Variants in GINS3 observed in about 807,000 individuals in gnomAD.
GINS3 encodes the protein DNA replication complex GINS protein PSF3.
A neutral mutation model predicts 20.0 loss-of-function variants in GINS3; 18 were observed. That is an observed-to-expected ratio of 0.90 (90% confidence interval 0.62 to 1.33). The LOEUF is 1.33. Ranked by LOEUF, GINS3 falls within the 40% of genes most tolerant of loss-of-function variation. The pLI is 0.00. For synonymous variants in GINS3, 109 were observed against 107.0 expected, an observed-to-expected ratio of 1.02 and a Z score of -0.12; for missense variants, 254 against 273.6, an observed-to-expected ratio of 0.93 and a Z score of 0.51.
intron 1 of GINS3, among the ~76,000 whole-genome samples, chr16:58,396,270 C>G (rs1965855780): frequency 7.9e-6 from 1 of 126,334 alleles, no homozygotes; most frequent in African/African-American, 3.2e-5. Context: ...GGGGCTGACT[C>G]CCCCACCTCC....
chr16:58,404,332 G>A, intron 2 of GINS3, 167 bp from the exon 3 acceptor site: 1 of 608,922 alleles, frequency 1.6e-6, no homozygotes, highest in South Asian at 2.0e-5. Flanking sequence ...TTGAGGCATG[G>A]CAATGTGCAA....
At chr16:58,396,394 A>T (rs1596956065) in intron 1 of GINS3, among the ~76,000 whole-genome samples, 1 of 97,954 alleles carries the variant, frequency 1.0e-5, no homozygotes, top group African/African-American at 4.4e-5. Context: ...CAGGGGGCTG[A>T]CCCCCCCACC....
At chr16:58,396,511 C>CA (rs1555519436) in intron 1 of GINS3, among the ~76,000 whole-genome samples, 491 of 26,408 alleles carry the variant, frequency 0.019, 91 homozygotes, top group Non-Finnish European at 0.025. Flanking sequence ...GCTGGCCGGG[C>CA]GGGGGCTGAC....
intron 1 of GINS3, chr16:58,393,436 A>T (rs938120855): frequency 6.6e-6 from 1 of 152,234 alleles, no homozygotes; most frequent in Non-Finnish European, 1.5e-5. Flanking sequence ...CATGGCTTGT[A>T]ATGATTAATT....
chr16:58,404,102 T>G (rs1596962947), intron 2 of GINS3: 2 of 190,166 alleles, frequency 1.1e-5, no homozygotes, highest in East Asian at 2.8e-4. Context: ...ATAACCTTAT[T>G]TTAATTTTTC....
At chr16:58,394,001 C>T (rs1427329672) in intron 1 of GINS3, among the ~76,000 whole-genome samples, 1 of 151,934 alleles carries the variant, frequency 6.6e-6, no homozygotes, top group Non-Finnish European at 1.5e-5. Flanking sequence ...CTTAAACTTA[C>T]CTTGTTGGGT....
At chr16:58,395,965 C>T (rs1251784378) in intron 1 of GINS3, among the ~76,000 whole-genome samples, 1 of 148,176 alleles carries the variant, frequency 6.7e-6, no homozygotes, top group African/African-American at 2.5e-5. Context: ...GGGGGGCTGG[C>T]CCCCCCACCT....
chr16:58,403,280 C>T lies in GINS3; in HGVS notation c.369C>T (p.Leu123=), dbSNP rs1965982074. The T allele has an allele frequency of 3.1e-6, 5 of 1,614,020 alleles. No individual in the cohort carries two copies. The East Asian group carries it at 1.1e-4, about 36-fold the overall frequency. ...ATTTCTACGGGTTTGGCTCCCAGCT[C>T]CTGCATTTTGACAGTCCCGAGAATG... ...GPHFYGFGSQ[L]LHFDSPENAD... is the part of the protein sequence containing the mutation. Residue 123 remains leucine (L), a synonymous_variant, in exon 2 of 3, where the codon CTC becomes CTT. Transcript: ENST00000318129.
At chr16:58,395,085 T>TC in intron 1 of GINS3, 1 of 577,366 alleles carries the variant, frequency 1.7e-6, no homozygotes, top group Non-Finnish European at 3.0e-6. Context: ...AATTTTTTTT[T>TC]TTTTTTTTTG....
At chr16:58,399,588 G>A (rs1224422066) in intron 1 of GINS3, among the ~76,000 whole-genome samples, 1 of 151,792 alleles carries the variant, frequency 6.6e-6, no homozygotes, top group Non-Finnish European at 1.5e-5. Flanking sequence ...ATTTTTAATT[G>A]TTATATTTAA....
intron 1 of GINS3, among the ~76,000 whole-genome samples, chr16:58,396,975 C>T (rs370623707): frequency 0.012 from 1,783 of 143,814 alleles, 11 homozygotes; most frequent in Non-Finnish European, 0.02. Context: ...CGGGCAGAGG[C>T]GCCCCTCACC....
intron 1 of GINS3, chr16:58,395,076 A>ATTTTT: frequency 1.1e-5 from 5 of 457,894 alleles, no homozygotes; most frequent in Admixed American, 4.2e-5. Context: ...ATTTTATCTA[A>ATTTTT]TTTTTTTTTT....
Position 58,404,510 on chromosome 16 carries a change from A to C in GINS3, c.432A>C (p.Gly144=), listed in dbSNP as rs1450901605. The C allele has an allele frequency of 6.2e-7, 1 of 1,613,894 alleles. No individual in the cohort carries two copies. The highest frequency in any genetic ancestry group is 1.1e-5 in the South Asian group (1 of 91,058). Residue 144 remains glycine, a synonymous_variant, in exon 3 of 3, where the codon GGA becomes GGC. Coordinates refer to ENST00000318129, the MANE Select transcript of GINS3 (RefSeq NM_022770.4). The stretch of plus-strand genomic sequence containing the variant: ...CCCTTGTTTCCCAGACTTTTATCGG[A>C]CGTTTTCGCCGCATCATGGACTCCT... ...ISQSLLQTFI[G]RFRRIMDSSQ...
At chr16:58,397,496 C>T (rs1163359672) in intron 1 of GINS3, among the ~76,000 whole-genome samples, 1 of 152,058 alleles carries the variant, frequency 6.6e-6, no homozygotes, top group Admixed American at 6.5e-5. Context: ...GATCACGCCA[C>T]TGCACTCCAG....
intron 2 of GINS3, 87 bp from the exon 3 acceptor site, chr16:58,404,412 G>A (rs1965998776): frequency 3.5e-6 from 3 of 849,934 alleles, no homozygotes; most frequent in East Asian, 2.5e-5. Context: ...TTCTTTTCAT[G>A]CCATTTAAAT....
At chr16:58,394,903 CTTT>C (rs1296135038) in intron 1 of GINS3, among the ~76,000 whole-genome samples, 1 of 152,158 alleles carries the variant, frequency 6.6e-6, no homozygotes, top group African/African-American at 2.4e-5. Flanking sequence ...TGTTCCACTT[CTTT>C]GAGTGCAGAG....
At chr16:58,402,504 G>T (rs1965970742) in intron 1 of GINS3, among the ~76,000 whole-genome samples, 2 of 152,082 alleles carry the variant, frequency 1.3e-5, no homozygotes, top group African/African-American at 4.8e-5. Flanking sequence ...CAATCCAGTT[G>T]TTTGCCTTTG....
intron 1 of GINS3, among the ~76,000 whole-genome samples, chr16:58,395,844 G>A (rs1965847330): frequency 6.6e-6 from 1 of 152,118 alleles, no homozygotes; most frequent in Non-Finnish European, 1.5e-5. Flanking sequence ...ATGAGCTGTT[G>A]AGTACACCTC....
intron 1 of GINS3, among the ~76,000 whole-genome samples, chr16:58,402,162 G>A (rs1965964996): frequency 6.6e-6 from 1 of 152,068 alleles, no homozygotes; most frequent in Non-Finnish European, 1.5e-5. Context: ...ATCCAATCCA[G>A]TAAACATGTT....
Sources: gnomAD v4.1 joint callset for allele counts (sites outside exome capture counted in the v4.1 genomes callset) on GRCh38, gnomAD v4.1.1 for gene constraint, MANE v1.5 for transcripts, NCBI Gene and HGNC (gene_info 2026-07-23, HGNC 2026-07-21) for gene names.